Variants in GPR158 observed in about 807,000 individuals in gnomAD.
GPR158 encodes the protein G protein-coupled receptor 158, also known as metabotropic glycine receptor.
GPR158 carries 30 observed loss-of-function variants against 78.2 expected under a neutral mutation model. The ratio of observed to expected loss-of-function variants is 0.38; its 90% CI spans 0.29 to 0.52. The LOEUF (loss-of-function observed/expected upper bound fraction) is 0.52. Among genes scored for constraint, GPR158 ranks in the 20% least tolerant of loss-of-function variants. The probability of loss-of-function intolerance (pLI) is 0.83; values close to 1 mark genes in which losing one functional copy is unlikely to be tolerated. For synonymous variants in GPR158, 581 were observed against 591.1 expected (o/e 0.98, Z 0.25); for missense variants, 1,463 against 1,523.5 (o/e 0.96, Z 0.66).
intron 2 of GPR158, among the ~76,000 whole-genome samples, chr10:25,301,340 A>C (rs904560176): frequency 2.6e-5 from 4 of 152,226 alleles, no homozygotes. Context: ...AGGATAGTCC[A>C]GTTCTCAACT....
At chr10:25,221,273 G>T in intron 2 of GPR158, 116 bp downstream of exon 2, 1 of 572,546 alleles carries the variant, frequency 1.7e-6, no homozygotes, top group Non-Finnish European at 3.0e-6. Flanking sequence ...ATCTATGTAG[G>T]TCTCAGTGCT....
intron 2 of GPR158, among the ~76,000 whole-genome samples, chr10:25,371,371 C>T (rs570989816): frequency 1.4e-4 from 21 of 151,660 alleles, no homozygotes; most frequent in Admixed American, 3.9e-4. Flanking sequence ...CTGGTGGTGA[C>T]AAAATCTAAA....
At chr10:25,508,481 C>T (rs148574852) in intron 5 of GPR158, among the ~76,000 whole-genome samples, 8 of 152,156 alleles carry the variant, frequency 5.3e-5, no homozygotes, top group East Asian at 1.9e-4. Flanking sequence ...TAAAATGAAG[C>T]GGAATTTGGC....
chr10:25,347,479 C>T (rs932090524), intron 2 of GPR158, among the ~76,000 whole-genome samples: 3 of 151,888 alleles, frequency 2.0e-5, no homozygotes, highest in African/African-American at 7.3e-5. Flanking sequence ...AGGATGTGGC[C>T]ATCTTTGGGG....
At chr10:25,560,156 C>T (rs2130720516) in intron 6 of GPR158, among the ~76,000 whole-genome samples, 1 of 152,300 alleles carries the variant, frequency 6.6e-6, no homozygotes, top group Non-Finnish European at 1.5e-5. Context: ...CACAGTGAAC[C>T]TCCTAAATTA....
At chr10:25,244,728 A>G (rs1013551911) in intron 2 of GPR158, 2 of 152,138 alleles carry the variant, frequency 1.3e-5, no homozygotes, top group African/African-American at 4.8e-5. Flanking sequence ...GACCCTAAAC[A>G]CCATCCTGAT....
chr10:25,349,416 C>T (rs1855422005), intron 2 of GPR158, among the ~76,000 whole-genome samples: 1 of 127,916 alleles, frequency 7.8e-6, no homozygotes, highest in African/African-American at 4.6e-5. Flanking sequence ...GCTCTGTGTC[C>T]CCACCAAAAT....
chr10:25,536,825 G>A (rs1404886317), intron 5 of GPR158, among the ~76,000 whole-genome samples: 1 of 152,160 alleles, frequency 6.6e-6, no homozygotes, highest in Non-Finnish European at 1.5e-5. Context: ...CTCTAACTGT[G>A]GTCCTAGGAG....
At chr10:25,461,164 G>A (rs1287519412) in intron 4 of GPR158, among the ~76,000 whole-genome samples, 2 of 152,128 alleles carry the variant, frequency 1.3e-5, no homozygotes, top group African/African-American at 4.8e-5. Context: ...CAAGTGAAAG[G>A]AAGAGTCACA....
chr10:25,228,015 A>G (rs1853397992), intron 2 of GPR158, among the ~76,000 whole-genome samples: 1 of 152,188 alleles, frequency 6.6e-6, no homozygotes, highest in Non-Finnish European at 1.5e-5. Flanking sequence ...ATGTGTCATC[A>G]TTAAAAATGC....
At chr10:25,343,158 A>G (rs1312181682) in intron 2 of GPR158, among the ~76,000 whole-genome samples, 3 of 151,970 alleles carry the variant, frequency 2.0e-5, no homozygotes, top group Non-Finnish European at 4.4e-5. Context: ...TTAGAAATGA[A>G]TGTTGTTTGC....
rs775849350 is a variant in GPR158, at chr10:25,312,682, T to C, written c.1009-83229T>C. 2.4e-4 allele frequency among the ~76,000 whole-genome samples: 37 copies of C among 152,158 alleles called. 1 individual carries two copies. Among genetic ancestry groups the C allele is most frequent in the Non-Finnish European group, 4.4e-4 (30 of 67,992 alleles). Reference sequence around the variant, plus strand: ...AATTTGGTATGCAGAGTAAGTGCTTTGCGCATACTTTCCTATTTGTTGAAC... The same window carrying C: ...AATTTGGTATGCAGAGTAAGTGCTTCGCGCATACTTTCCTATTTGTTGAAC... On this transcript the variant is annotated intron_variant, in intron 2 of 10. Transcript: ENST00000376351.
intron 5 of GPR158, among the ~76,000 whole-genome samples, chr10:25,549,240 A>G (rs545448370): frequency 2.4e-4 from 36 of 152,162 alleles, no homozygotes; most frequent in Middle Eastern, 3.4e-3. Context: ...ACATACCTCA[A>G]TCTTCTGTCA....
At chr10:25,222,396 C>T (rs972625670) in intron 2 of GPR158, among the ~76,000 whole-genome samples, 1 of 149,700 alleles carries the variant, frequency 6.7e-6, no homozygotes, top group African/African-American at 2.5e-5. Flanking sequence ...TCCTGATGAT[C>T]CCCCACTTCA....
chr10:25,330,569 GT>G (rs1855103955), intron 2 of GPR158, among the ~76,000 whole-genome samples: 1 of 152,178 alleles, frequency 6.6e-6, no homozygotes, highest in Non-Finnish European at 1.5e-5. Context: ...ATTTGATTAT[GT>G]TTAGAGGTTA....
At chr10:25,398,442 T>A (rs1487358493) in intron 3 of GPR158, among the ~76,000 whole-genome samples, 1 of 152,048 alleles carries the variant, frequency 6.6e-6, no homozygotes, top group East Asian at 1.9e-4. Flanking sequence ...AGGGAAAAGG[T>A]TTTAGCTTAT....
At chr10:25,302,676 A>G (rs1344443040) in intron 2 of GPR158, among the ~76,000 whole-genome samples, 1 of 152,178 alleles carries the variant, frequency 6.6e-6, no homozygotes, top group Non-Finnish European at 1.5e-5. Context: ...TACAATATGT[A>G]AAAACAATTT....
At chr10:25,305,906 G>A (rs1433293261) in intron 2 of GPR158, among the ~76,000 whole-genome samples, 1 of 152,092 alleles carries the variant, frequency 6.6e-6, no homozygotes, top group African/African-American at 2.4e-5. Flanking sequence ...TAAGTTTGTG[G>A]CTCAGTCTCC....
At chr10:25,259,069 T>C (rs1221233931) in intron 2 of GPR158, among the ~76,000 whole-genome samples, 1 of 152,158 alleles carries the variant, frequency 6.6e-6, no homozygotes, top group Admixed American at 6.6e-5. Flanking sequence ...CCACCTGTCA[T>C]CTTCATGTTG....
Sources: allele counts gnomAD v4.1 joint callset (sites outside exome capture counted in the v4.1 genomes callset), GRCh38; gene constraint gnomAD v4.1.1; transcripts MANE v1.5; gene names NCBI Gene and HGNC (gene_info 2026-07-23, HGNC 2026-07-21).